CHEK2: variants seen among roughly 807,000 people sequenced by gnomAD.
The protein encoded by CHEK2 is checkpoint kinase 2, also known as serine/threonine-protein kinase Chk2.
CHEK2 carries 71 observed loss-of-function variants against 69.1 expected under a neutral mutation model. The ratio of observed to expected loss-of-function variants is 1.03; its 90% CI spans 0.85 to 1.25. The LOEUF (loss-of-function observed/expected upper bound fraction) is 1.25, where lower values mean the gene tolerates loss of function less well. Among genes scored for constraint, CHEK2 ranks in the 50% most tolerant of loss-of-function variants. CHEK2 has a pLI of 0.00. For missense variants in CHEK2, 664 were observed against 649.6 expected (o/e 1.02, Z -0.24); for synonymous variants, 189 against 226.9 (o/e 0.83, Z 1.50).
intron 5 of CHEK2, among the ~76,000 whole-genome samples, chr22:28,713,104 G>A (rs550525587): frequency 1.3e-5 from 2 of 152,186 alleles, no homozygotes; most frequent in African/African-American, 2.4e-5. Context: ...TTTCGTGTCT[G>A]GATTCTTTCA....
At position 28,725,080 on chromosome 22, in the gene CHEK2, G is replaced by A. The variant is rs764907556; in HGVS notation, c.489C>T (p.His163=). 1 of 1,614,038 alleles carries A rather than the reference G, an allele frequency of 6.2e-7. No individual in the cohort carries two copies. The highest frequency in any genetic ancestry group is 8.5e-7 in the Non-Finnish European group (1 of 1,179,972). The stretch of plus-strand genomic sequence containing the variant: ...TATTTACAAAGGTTCCATTGCCACT[G>A]TGATCTTCTATGTATGCAATGTAAG... ...KNSYIAYIED[H]SGNGTFVNTE... is the part of the protein sequence containing the mutation. Residue 163 remains histidine, a synonymous_variant, in exon 4 of 15, where the codon CAC becomes CAT. Transcript: ENST00000404276.
chr22:28,712,052 T>C (rs775305010), intron 5 of CHEK2, 35 bp from the exon 6 acceptor site: 2 of 1,491,644 alleles, frequency 1.3e-6, no homozygotes, highest in East Asian at 2.3e-5. Flanking sequence ...ATTGTCTGAA[T>C]GTTTTTAATT....
intron 5 of CHEK2, among the ~76,000 whole-genome samples, chr22:28,718,778 A>T (rs1037938300): frequency 6.6e-6 from 1 of 151,610 alleles, no homozygotes; most frequent in Non-Finnish European, 1.5e-5. Context: ...GCTACTTGGG[A>T]GGCTAAGGTG....
intron 7 of CHEK2, chr22:28,708,789 C>T (rs1273981080): frequency 4.7e-6 from 1 of 210,570 alleles, no homozygotes; most frequent in Non-Finnish European, 9.8e-6. Flanking sequence ...TGGTGAAACC[C>T]CCTCTCTACT....
chr22:28,736,288 A>G (rs956615813), intron 1 of CHEK2, among the ~76,000 whole-genome samples: 3 of 152,234 alleles, frequency 2.0e-5, no homozygotes, highest in African/African-American at 7.2e-5. Flanking sequence ...TATAAAAGTC[A>G]AAAAGAAATT....
intron 13 of CHEK2, among the ~76,000 whole-genome samples, chr22:28,691,982 C>G (rs2052382487): frequency 1.3e-5 from 2 of 152,226 alleles, no homozygotes; most frequent in Non-Finnish European, 2.9e-5. Flanking sequence ...TCATCCTTGT[C>G]TTCATTCAAT....
At chr22:28,736,548 G>C (rs948682939) in intron 1 of CHEK2, among the ~76,000 whole-genome samples, 1 of 152,164 alleles carries the variant, frequency 6.6e-6, no homozygotes, top group Non-Finnish European at 1.5e-5. Context: ...ATGGCCTTCC[G>C]GCCTTGATGT....
intron 8 of CHEK2, among the ~76,000 whole-genome samples, chr22:28,702,386 C>A (rs1232805316): frequency 2.0e-5 from 3 of 150,414 alleles, no homozygotes; most frequent in Non-Finnish European, 3.0e-5. Flanking sequence ...CTACAGGAGC[C>A]CACCACCACA....
At chr22:28,705,463 C>CA (rs2053081579) in intron 7 of CHEK2, among the ~76,000 whole-genome samples, 1 of 152,104 alleles carries the variant, frequency 6.6e-6, no homozygotes, top group Non-Finnish European at 1.5e-5. Flanking sequence ...CTGGAATATT[C>CA]AACCAGGAAG....
intron 1 of CHEK2, among the ~76,000 whole-genome samples, chr22:28,736,185 A>C (rs2054397061): frequency 6.6e-6 from 1 of 152,232 alleles, no homozygotes; most frequent in Non-Finnish European, 1.5e-5. Context: ...TTTTCAACTT[A>C]GAATGGTTTT....
intron 3 of CHEK2, 50 bp from the exon 4 acceptor site, chr22:28,725,174 G>C (rs377700765): frequency 1.9e-6 from 3 of 1,613,576 alleles, no homozygotes; most frequent in Non-Finnish European, 2.5e-6. Flanking sequence ...GAGATTTATA[G>C]TGGGAAAATA....
chr22:28,692,471 T>TTTGTTTGTTTG (rs1569108070), intron 13 of CHEK2, among the ~76,000 whole-genome samples: 1 of 150,568 alleles, frequency 6.6e-6, no homozygotes, highest in African/African-American at 2.4e-5. Context: ...ATATGTCTTT[T>TTTGTTTGTTTG]TTTGTTTGTT....
At position 28,711,892 on chromosome 22, in the gene CHEK2, C is replaced by T. The variant is rs1057523609; in HGVS notation, c.792+17G>A. The T allele has an allele frequency of 3.3e-6, 5 of 1,535,566 alleles. No homozygotes were observed. In the Admixed American group the frequency reaches 6.7e-5, roughly 21 times the overall value. On this transcript the variant is annotated intron_variant, in intron 6 of 14. Transcript: ENST00000404276. Reference sequence around the variant, plus strand: ...GACGTGTTAATAAAAGGTGATCAGCCTTTTATTGGTACTTACTGCCTCTCT... The same window carrying T: ...GACGTGTTAATAAAAGGTGATCAGCTTTTTATTGGTACTTACTGCCTCTCT...
chr22:28,737,454 G>C, intron 1 of CHEK2: 1 of 292,720 alleles, frequency 3.4e-6, no homozygotes, highest in South Asian at 3.3e-5. Context: ...TGTAATTTAA[G>C]ACTTATGAAC....
chr22:28,688,316 A>G (rs1432229097), intron 14 of CHEK2, among the ~76,000 whole-genome samples: 1 of 152,218 alleles, frequency 6.6e-6, no homozygotes, highest in Admixed American at 6.5e-5. Flanking sequence ...TTGAAGCCCC[A>G]AGTCTTGGTC....
At chr22:28,693,855 T>C (rs1259859388) in intron 13 of CHEK2, among the ~76,000 whole-genome samples, 177 bp downstream of exon 13, 1 of 151,074 alleles carries the variant, frequency 6.6e-6, no homozygotes, top group African/African-American at 2.4e-5. Context: ...CAAGAACCTG[T>C]CTCAAAAAAA....
intron 2 of CHEK2, among the ~76,000 whole-genome samples, chr22:28,731,524 A>T (rs1601843923): frequency 6.6e-6 from 1 of 151,966 alleles, no homozygotes; most frequent in Non-Finnish European, 1.5e-5. Flanking sequence ...TCAACCCAGG[A>T]GATTGAGGTT....
At chr22:28,716,201 T>C (rs1483674443) in intron 5 of CHEK2, among the ~76,000 whole-genome samples, 3 of 59,976 alleles carry the variant, frequency 5.0e-5, no homozygotes, top group South Asian at 3.4e-4. Context: ...TTTTTTCTCT[T>C]TTTTTTTTTT....
chr22:28,700,043 A>G, intron 8 of CHEK2, 106 bp from the exon 9 acceptor site: 1 of 747,706 alleles, frequency 1.3e-6, no homozygotes, highest in Non-Finnish European at 2.3e-6. Flanking sequence ...CAAACAGTTG[A>G]CATTTTTATT....
Sources: allele counts gnomAD v4.1 joint callset (sites outside exome capture counted in the v4.1 genomes callset), GRCh38; gene constraint gnomAD v4.1.1; transcripts MANE v1.5; gene names NCBI Gene and HGNC (gene_info 2026-07-23, HGNC 2026-07-21).